Variants in TSPAN14 observed in about 807,000 individuals in gnomAD.
TSPAN14 encodes the protein tetraspanin 14.
Under a neutral mutation model 36.6 loss-of-function variants are expected in TSPAN14, and 16 were observed. The observed-to-expected ratio is 0.44, with a 90% CI of 0.30 to 0.66. The LOEUF (loss-of-function observed/expected upper bound fraction) is 0.66. Among genes scored for constraint, TSPAN14 ranks in the 30% least tolerant of loss-of-function variants. TSPAN14 has a pLI of 0.12. For missense variants in TSPAN14, 231 were observed against 355.1 expected, an observed-to-expected ratio of 0.65 and a Z score of 2.81; for synonymous variants, 139 against 143.8, an observed-to-expected ratio of 0.97 and a Z score of 0.24.
intron 2 of TSPAN14, 82 bp downstream of exon 2, chr10:80,489,396 C>CTTACATAGTGTCTGGCA: frequency 9.9e-7 from 1 of 1,010,110 alleles, no homozygotes; most frequent in Non-Finnish European, 1.5e-6. Context: ...CTTGATTTGC[C>CTTACATAGTGTCTGGCA]AGACACTATG....
intron 1 of TSPAN14, among the ~76,000 whole-genome samples, chr10:80,481,966 G>T (rs911981280): frequency 2.0e-4 from 31 of 152,094 alleles, no homozygotes; most frequent in African/African-American, 7.0e-4. Flanking sequence ...TGTTAGCCAG[G>T]ATGGTCTCGA....
exon 1 of TSPAN14, chr10:80,454,349 G>C (rs1053429843): frequency 8.5e-5 from 13 of 152,312 alleles, no homozygotes; most frequent in Non-Finnish European, 1.5e-4. Context: ...GGGCCGCGCC[G>C]CCGCTGCCGC....
chr10:80,477,840 A>G (rs1847006010), intron 1 of TSPAN14, among the ~76,000 whole-genome samples: 1 of 152,174 alleles, frequency 6.6e-6, no homozygotes, highest in Non-Finnish European at 1.5e-5. Context: ...TAGCTTCTAG[A>G]ACATTGACAG....
chr10:80,481,610 G>A (rs1234291697), intron 1 of TSPAN14, among the ~76,000 whole-genome samples: 1 of 152,164 alleles, frequency 6.6e-6, no homozygotes, highest in Non-Finnish European at 1.5e-5. Context: ...AAAGGGTTAA[G>A]TCCTCCTCTT....
At chr10:80,495,485 C>T (rs1488863285) in intron 2 of TSPAN14, among the ~76,000 whole-genome samples, 1 of 152,164 alleles carries the variant, frequency 6.6e-6, no homozygotes, top group Non-Finnish European at 1.5e-5. Context: ...GTGCTGATGC[C>T]TGCATGGCCT....
intron 1 of TSPAN14, among the ~76,000 whole-genome samples, chr10:80,484,967 T>G (rs1022341043): frequency 6.6e-6 from 1 of 152,204 alleles, no homozygotes. Context: ...GTTAAACAAT[T>G]CTCCCTTTGC....
At chr10:80,500,952 C>T (rs1430797395) in intron 2 of TSPAN14, among the ~76,000 whole-genome samples, 1 of 152,212 alleles carries the variant, frequency 6.6e-6, no homozygotes, top group Non-Finnish European at 1.5e-5. Context: ...TTTTTGAGAA[C>T]TTGTGCAGAC....
intron 2 of TSPAN14, among the ~76,000 whole-genome samples, chr10:80,503,634 G>A (rs1848650660): frequency 1.3e-5 from 2 of 152,116 alleles, no homozygotes; most frequent in Admixed American, 1.3e-4. Context: ...TGCATTTTCT[G>A]AAAGTGATCT....
rs373519985 is a variant in TSPAN14 at position 80,509,283 on chromosome 10, C to T, written c.280-18C>T. The T allele has an allele frequency of 8.4e-5, 136 of 1,610,008 alleles. 1 individual carries two copies. The highest frequency in any genetic ancestry group is 7.8e-4 in the East Asian group (35 of 44,852). On this transcript the variant is annotated intron_variant, in intron 4 of 8. Transcript: ENST00000429989. The surrounding 1 kb of genome is among the most constrained non-coding windows in gnomAD (Gnocchi z 4.7). ...CTGGTGGGGTGGTGACTTCTGCTCC[C>T]GTCCCCTTCCCCTGCAGTTCTGTGG...
intron 7 of TSPAN14, among the ~76,000 whole-genome samples, chr10:80,514,281 T>G (rs1840813941): frequency 6.6e-6 from 1 of 152,170 alleles, no homozygotes; most frequent in Non-Finnish European, 1.5e-5. Context: ...CTAAGCCTTG[T>G]GAGCTGCAGT....
chr10:80,463,590 T>A (rs551871744), intron 1 of TSPAN14, among the ~76,000 whole-genome samples: 1 of 152,358 alleles, frequency 6.6e-6, no homozygotes, highest in African/African-American at 2.4e-5. Context: ...TTAACAGCAG[T>A]GCATGATTCT....
intron 1 of TSPAN14, among the ~76,000 whole-genome samples, chr10:80,481,775 G>A (rs1266071075): frequency 1.3e-5 from 2 of 152,172 alleles, no homozygotes; most frequent in Non-Finnish European, 2.9e-5. Context: ...ACAGGCATGG[G>A]CCACTGCGCC....
intron 2 of TSPAN14, among the ~76,000 whole-genome samples, chr10:80,500,898 C>A (rs955222576): frequency 2.0e-5 from 3 of 152,202 alleles, no homozygotes; most frequent in Admixed American, 2.0e-4. Flanking sequence ...GGGCACTGTG[C>A]CCCTGAGGGT....
In TSPAN14 at chr10:80,458,451, T is replaced by A. The variant is rs140399655; in HGVS notation, c.-18+4080T>A. 2.7e-4 allele frequency among the ~76,000 whole-genome samples: 41 copies of A among 152,294 alleles called. 1 individual carries two copies. Among genetic ancestry groups the A allele is most frequent in the African/African-American group, 9.6e-4 (40 of 41,556 alleles). On this transcript the variant is annotated intron_variant, in intron 1 of 8. Coordinates refer to ENST00000429989, the Ensembl canonical transcript of TSPAN14. ...TTTCCCTCGGGGCCAGCAGACACTG[T>A]TGGAGGTGGTGAGGCCTCAGGTTCT... is the stretch of plus-strand genomic sequence containing the variant.
intron 2 of TSPAN14, among the ~76,000 whole-genome samples, chr10:80,502,657 C>T (rs1348101009): frequency 6.7e-6 from 1 of 149,854 alleles, no homozygotes; most frequent in East Asian, 2.0e-4. Context: ...GGGGGGAGCT[C>T]GGTTGGGGTT....
chr10:80,489,247 GATA>G, exon 2 of TSPAN14: 2 of 1,583,534 alleles, frequency 1.3e-6, no homozygotes, highest in Non-Finnish European at 1.7e-6. Flanking sequence ...CACTATTATA[GATA>G]CTCTAACGCC....
At chr10:80,495,915 A>G (rs561346801) in intron 2 of TSPAN14, among the ~76,000 whole-genome samples, 1 of 152,296 alleles carries the variant, frequency 6.6e-6, no homozygotes, top group African/African-American at 2.4e-5. Context: ...GTGCCCCTAC[A>G]GTCATGCCTG....
chr10:80,473,662 A>T (rs1369102623), intron 1 of TSPAN14, among the ~76,000 whole-genome samples: 3 of 146,768 alleles, frequency 2.0e-5, no homozygotes, highest in African/African-American at 7.6e-5. Context: ...CACTCCAGTG[A>T]GCGGTTGCTG....
At position 80,509,366 on chromosome 10, in the gene TSPAN14, C is replaced by G; in HGVS notation, c.345C>G (p.Phe115Leu). Residue 115 changes from phenylalanine (F) to leucine (L), a missense_variant, in exon 5 of 9, where the codon TTC becomes TTG. Coordinates refer to ENST00000429989, the Ensembl canonical transcript of TSPAN14. The surrounding 1 kb of genome is among the most constrained non-coding windows in gnomAD (Gnocchi z 4.7). ...CTGTGGCCGTGCTGGCCTTCCTGTT[C>G]CAGGACTGGGTGAGGGACCGGTTCC... 1 of 1,614,178 alleles carries G rather than the reference C, an allele frequency of 6.2e-7. No individual in the cohort carries two copies. The highest frequency in any genetic ancestry group is 8.5e-7 in the Non-Finnish European group (1 of 1,180,024).
Sources: gnomAD v4.1 joint callset for allele counts (sites outside exome capture counted in the v4.1 genomes callset) on GRCh38, gnomAD v4.1.1 for gene constraint, Gnocchi (gnomAD v3.1) non-coding constraint, MANE v1.5 for transcripts, NCBI Gene and HGNC (gene_info 2026-07-23, HGNC 2026-07-21) for gene names.